RBFOX1: variants seen among roughly 807,000 people sequenced by gnomAD.
RBFOX1 encodes RNA binding protein fox-1 homolog 1.
In RBFOX1, 8 loss-of-function variants were observed where a neutral mutation model predicts 57.7. The ratio of observed to expected loss-of-function variants is 0.14; its 90% CI spans 0.08 to 0.25. RBFOX1 has a LOEUF of 0.25. Among genes scored for constraint, RBFOX1 ranks in the 10% least tolerant of loss-of-function variants. The pLI, the probability that RBFOX1 is intolerant of heterozygous loss-of-function variation, is 1.00. For synonymous variants in RBFOX1, 326 were observed against 222.4 expected (o/e 1.47, Z -4.15); for missense variants, 611 against 548.5 (o/e 1.11, Z -1.14).
intron 14 of RBFOX1, among the ~76,000 whole-genome samples, chr16:7,694,991 C>A (rs1414563073): frequency 6.6e-6 from 1 of 151,810 alleles, no homozygotes; most frequent in Non-Finnish European, 1.5e-5. Context: ...TGACTTAAAC[C>A]CTGCCTTATA....
chr16:5,937,961 G>A (rs2059200683), intron 4 of RBFOX1, among the ~76,000 whole-genome samples: 1 of 151,844 alleles, frequency 6.6e-6, no homozygotes, highest in Non-Finnish European at 1.5e-5. Context: ...CATCCATAAA[G>A]TTACTTTGCT....
chr16:7,052,239 C>T (rs1428011336), intron 4 of RBFOX1, 141 bp downstream of exon 4: 8 of 1,317,228 alleles, frequency 6.1e-6, no homozygotes, highest in African/African-American at 1.5e-5. Flanking sequence ...TTTATCCCAG[C>T]TTATTTAGTA....
chr16:7,415,148 G>A (rs1012056112), intron 4 of RBFOX1, among the ~76,000 whole-genome samples: 1 of 152,172 alleles, frequency 6.6e-6, no homozygotes, highest in African/African-American at 2.4e-5. Context: ...ACCATTTTCT[G>A]TATTTATTAT....
At chr16:7,295,036 A>G (rs2095863426) in intron 4 of RBFOX1, among the ~76,000 whole-genome samples, 1 of 152,222 alleles carries the variant, frequency 6.6e-6, no homozygotes, top group Admixed American at 6.5e-5. Context: ...CCATCTGGCC[A>G]GAAGTAATTT....
At chr16:6,066,382 A>T (rs192752107) in intron 1 of RBFOX1, among the ~76,000 whole-genome samples, 24 of 151,742 alleles carry the variant, frequency 1.6e-4, no homozygotes, top group Admixed American at 1.3e-3. Context: ...AAAAAAATCC[A>T]ATTTCTAAGA....
rs562985870 is a variant in RBFOX1 at position 7,149,651 on chromosome 16, A to G, written c.27+97553A>G. Among the ~76,000 whole-genome samples, 23 of 151,804 alleles carry G rather than the reference A, an allele frequency of 1.5e-4. No homozygotes were observed. In the South Asian group the frequency reaches 3.7e-3, roughly 25 times the overall value. On this transcript the variant is annotated intron_variant, in intron 4 of 15. Transcript: ENST00000550418. ...CAGGTGCACACCACCGTGCCCAGCT[A>G]TATGCCCCCGCAGGCCTCCCAAAGT...
chr16:5,487,271 C>T (rs1228901200), intron 2 of RBFOX1, among the ~76,000 whole-genome samples: 1 of 152,188 alleles, frequency 6.6e-6, no homozygotes, highest in East Asian at 1.9e-4. Context: ...GGAGAAGAAC[C>T]ATCTTGTTGT....
At chr16:7,179,072 A>G (rs536783623) in intron 4 of RBFOX1, among the ~76,000 whole-genome samples, 110 of 152,280 alleles carry the variant, frequency 7.2e-4, no homozygotes, top group African/African-American at 2.5e-3. Flanking sequence ...AATCTGATGC[A>G]TAATTAATGT....
chr16:7,287,540 C>G (rs1038895971), intron 4 of RBFOX1, among the ~76,000 whole-genome samples: 1 of 152,112 alleles, frequency 6.6e-6, no homozygotes, highest in Non-Finnish European at 1.5e-5. Context: ...GTATAATAGG[C>G]AAGAAGTGTT....
intron 2 of RBFOX1, among the ~76,000 whole-genome samples, chr16:5,593,187 T>G (rs1161578078): frequency 6.6e-6 from 1 of 152,158 alleles, no homozygotes; most frequent in Non-Finnish European, 1.5e-5. Flanking sequence ...TCATGTCCTT[T>G]GCAGGGACAT....
At chr16:7,284,064 T>A (rs769207713) in intron 4 of RBFOX1, among the ~76,000 whole-genome samples, 2 of 152,210 alleles carry the variant, frequency 1.3e-5, no homozygotes, top group African/African-American at 4.8e-5. Flanking sequence ...TGACTATCTC[T>A]GTGTAATGGA....
intron 3 of RBFOX1, among the ~76,000 whole-genome samples, chr16:7,038,780 C>G (rs1464447956): frequency 1.3e-5 from 2 of 152,184 alleles, no homozygotes; most frequent in African/African-American, 4.8e-5. Flanking sequence ...ATTAATCTGT[C>G]TGGACCTGGG....
intron 2 of RBFOX1, among the ~76,000 whole-genome samples, chr16:6,630,219 G>C (rs1370271494): frequency 2.0e-5 from 3 of 152,156 alleles, no homozygotes; most frequent in Admixed American, 2.0e-4. Flanking sequence ...GTCTGTGACA[G>C]AGAGGGATGG....
intron 1 of RBFOX1, among the ~76,000 whole-genome samples, chr16:5,332,631 C>A (rs1013985807): frequency 2.0e-5 from 3 of 150,850 alleles, no homozygotes; most frequent in African/African-American, 7.3e-5. Context: ...AATTACATAT[C>A]GTATATTTAT....
At position 6,019,193 on chromosome 16, in the gene RBFOX1, C is replaced by T. The variant is rs906853331; in HGVS notation, c.-926C>T. On this transcript the variant is annotated 5_prime_UTR_variant, in exon 1 of 16. Coordinates refer to ENST00000550418, the MANE Select transcript of RBFOX1 (RefSeq NM_018723.4). The surrounding 1 kb of genome is among the most constrained non-coding windows in gnomAD (Gnocchi z 4.2). ...TACTGGAAGATTTCCTCTTTATTCT[C>T]TCCCGCCCTCCTACAAGCGCTCTTG... The T allele has an allele frequency of 6.1e-6, 6 of 985,250 alleles. No individual in the cohort carries two copies. The highest frequency in any genetic ancestry group is 5.2e-5 in the African/African-American group (3 of 57,192). 61.0% of individuals were successfully genotyped at this position (985,250 alleles called of 1,614,324 possible). A position where few individuals can be genotyped will look rare whatever the true frequency, so the allele number is the denominator to read the frequency against.
intron 2 of RBFOX1, among the ~76,000 whole-genome samples, chr16:6,628,033 A>G (rs942169730): frequency 6.6e-6 from 1 of 152,190 alleles, no homozygotes; most frequent in Non-Finnish European, 1.5e-5. Flanking sequence ...TGTGCAAAGG[A>G]CATCTCTGGG....
intron 4 of RBFOX1, among the ~76,000 whole-genome samples, chr16:7,300,552 A>G (rs1179310212): frequency 1.3e-5 from 2 of 152,200 alleles, no homozygotes; most frequent in African/African-American, 4.8e-5. Context: ...TTGAAGTTCA[A>G]GTCCTTCTTT....
chr16:6,940,022 C>G (rs546340914), intron 3 of RBFOX1, among the ~76,000 whole-genome samples: 1 of 152,072 alleles, frequency 6.6e-6, no homozygotes, highest in Non-Finnish European at 1.5e-5. Context: ...ACAGGTCAGC[C>G]TGGCCTACAG....
intron 3 of RBFOX1, among the ~76,000 whole-genome samples, chr16:5,741,891 G>A (rs1295101573): frequency 6.6e-6 from 1 of 152,204 alleles, no homozygotes. Flanking sequence ...TATGAAGCCA[G>A]ACTTTTGCTA....
Sources: gnomAD v4.1 joint callset for allele counts (sites outside exome capture counted in the v4.1 genomes callset) on GRCh38, gnomAD v4.1.1 for gene constraint, Gnocchi (gnomAD v3.1) non-coding constraint, MANE v1.5 for transcripts, NCBI Gene and HGNC (gene_info 2026-07-23, HGNC 2026-07-21) for gene names.